PCDH9: variants seen among roughly 807,000 people sequenced by gnomAD.
PCDH9 encodes protocadherin-9.
PCDH9 carries 24 observed loss-of-function variants against 70.6 expected under a neutral mutation model. The ratio of observed to expected loss-of-function variants is 0.34; its 90% CI spans 0.25 to 0.48. PCDH9 has a LOEUF of 0.48. Among genes scored for constraint, PCDH9 ranks in the 20% least tolerant of loss-of-function variants. The pLI is 0.99. For synonymous variants in PCDH9, 562 were observed against 558.5 expected (o/e 1.01, Z -0.09); for missense variants, 1,281 against 1,503.6 (o/e 0.85, Z 2.45).
At chr13:66,537,263 G>T (rs1274219638) in intron 4 of PCDH9, among the ~76,000 whole-genome samples, 1 of 152,068 alleles carries the variant, frequency 6.6e-6, no homozygotes, top group Non-Finnish European at 1.5e-5. Flanking sequence ...TGCTCAGTGA[G>T]TGCTGAACAT....
intron 2 of PCDH9, among the ~76,000 whole-genome samples, chr13:66,915,381 C>T (rs2082540676): frequency 6.6e-6 from 1 of 151,342 alleles, no homozygotes; most frequent in Non-Finnish European, 1.5e-5. Context: ...TCTAACAAGT[C>T]CAAGTGAACT....
intron 4 of PCDH9, among the ~76,000 whole-genome samples, chr13:66,628,836 C>T (rs1433869633): frequency 6.6e-6 from 1 of 152,084 alleles, no homozygotes; most frequent in Non-Finnish European, 1.5e-5. Flanking sequence ...TGCAATTTTT[C>T]CTGTACTCAG....
At chr13:66,753,962 A>G (rs1178322173) in intron 3 of PCDH9, among the ~76,000 whole-genome samples, 1 of 152,226 alleles carries the variant, frequency 6.6e-6, no homozygotes, top group Non-Finnish European at 1.5e-5. Flanking sequence ...TGCATTGATT[A>G]TTAATGAAAT....
At chr13:66,914,544 T>C (rs970520677) in intron 2 of PCDH9, 2 of 151,774 alleles carry the variant, frequency 1.3e-5, no homozygotes, top group African/African-American at 4.8e-5. Context: ...ACTTTGAAAA[T>C]GTATATTAAT....
intron 4 of PCDH9, among the ~76,000 whole-genome samples, chr13:66,429,035 C>T (rs967401979): frequency 6.7e-6 from 1 of 149,032 alleles, no homozygotes; most frequent in Non-Finnish European, 1.5e-5. Flanking sequence ...TTGTAATATG[C>T]ATGTGATTAA....
intron 3 of PCDH9, among the ~76,000 whole-genome samples, chr13:66,878,102 AG>A (rs1405877881): frequency 6.6e-6 from 1 of 152,208 alleles, no homozygotes; most frequent in African/African-American, 2.4e-5. Context: ...CTGAGTTCTA[AG>A]GGAGAAAAAA....
At chr13:66,751,829 A>G (rs1056403881) in intron 3 of PCDH9, among the ~76,000 whole-genome samples, 8 of 152,210 alleles carry the variant, frequency 5.3e-5, no homozygotes, top group African/African-American at 1.9e-4. Flanking sequence ...CATAGTTCCA[A>G]TTTTGCTTCT....
At chr13:66,598,638 C>T (rs897389316) in intron 4 of PCDH9, among the ~76,000 whole-genome samples, 3 of 151,732 alleles carry the variant, frequency 2.0e-5, no homozygotes, top group Admixed American at 1.3e-4. Flanking sequence ...TGGATATTTG[C>T]AGCATAGCAA....
At chr13:66,494,858 G>C (rs982962907) in intron 4 of PCDH9, among the ~76,000 whole-genome samples, 1 of 151,880 alleles carries the variant, frequency 6.6e-6, no homozygotes, top group East Asian at 1.9e-4. Flanking sequence ...AATTCTTTTT[G>C]GTCTCTGAAT....
intron 2 of PCDH9, among the ~76,000 whole-genome samples, chr13:67,027,934 G>A (rs954183162): frequency 1.3e-4 from 19 of 151,292 alleles, no homozygotes; most frequent in Non-Finnish European, 2.5e-4. Context: ...TGCTGGAGAG[G>A]ATGTGGAGAA....
intron 4 of PCDH9, among the ~76,000 whole-genome samples, chr13:66,567,758 C>T (rs2076674203): frequency 6.6e-6 from 1 of 152,120 alleles, no homozygotes; most frequent in Non-Finnish European, 1.5e-5. Context: ...ACATTATAAT[C>T]TGTGACTTTA....
At chr13:66,329,810 C>T (rs1207426548) in intron 4 of PCDH9, among the ~76,000 whole-genome samples, 1 of 152,086 alleles carries the variant, frequency 6.6e-6, no homozygotes, top group Non-Finnish European at 1.5e-5. Context: ...ATAGGCCTTT[C>T]TAAAATGATA....
At chr13:66,929,213 C>G (rs1054232833) in intron 2 of PCDH9, among the ~76,000 whole-genome samples, 2 of 151,732 alleles carry the variant, frequency 1.3e-5, no homozygotes, top group Non-Finnish European at 2.9e-5. Flanking sequence ...AATTTTTATG[C>G]TCTTATAAAA....
At chr13:67,082,547 A>G (rs2086006350) in intron 2 of PCDH9, among the ~76,000 whole-genome samples, 1 of 152,182 alleles carries the variant, frequency 6.6e-6, no homozygotes, top group Admixed American at 6.6e-5. Context: ...TTATTTTACA[A>G]GTGATCTTGT....
chr13:67,124,101 T>A (rs1263964149), intron 2 of PCDH9, among the ~76,000 whole-genome samples: 3 of 152,088 alleles, frequency 2.0e-5, no homozygotes, highest in Admixed American at 2.0e-4. Context: ...TACTAAATAA[T>A]AAGGAATCCA....
intron 3 of PCDH9, among the ~76,000 whole-genome samples, chr13:66,847,684 C>T (rs1485951178): frequency 6.6e-6 from 1 of 152,128 alleles, no homozygotes; most frequent in African/African-American, 2.4e-5. Context: ...TACTCATGAG[C>T]TTTGGGGGCC....
rs2089859003 is a variant in PCDH9 at position 67,226,033 on chromosome 13, C to T, written c.2408G>A (p.Ser803Asn). The T allele has an allele frequency of 6.2e-7, 1 of 1,614,054 alleles. No homozygotes were observed. The highest frequency in any genetic ancestry group is 2.2e-5 in the East Asian group (1 of 44,860). The stretch of plus-strand genomic sequence containing the variant: ...GTCCTCATTTTGATAGGGTTGGCTA[C>T]TATCCCCTATGTTCCTGTCCAACGG... Reference protein sequence around the residue: ...ETPLDRNIGDSSQPYQNEDYL... With the variant: ...ETPLDRNIGDNSQPYQNEDYL... Residue 803 changes from serine to asparagine, a missense_variant, in exon 2 of 5, where the codon AGT becomes AAT. Physicochemically the swap from Ser to Asn is conservative, Grantham distance 46 (BLOSUM62 1). This residue lies in a region of PCDH9 where 798 missense variants were observed against 1,003.1 expected (regional missense o/e 0.80). Transcript: ENST00000377865. This position sits in a 1 kb window ranked among gnomAD's most constrained non-coding sequence, Gnocchi z 5.0.
intron 3 of PCDH9, among the ~76,000 whole-genome samples, chr13:66,808,671 G>T (rs2080449324): frequency 6.6e-6 from 1 of 152,102 alleles, no homozygotes; most frequent in Non-Finnish European, 1.5e-5. Flanking sequence ...AGCACTAGTA[G>T]GCTAATTGAT....
At position 66,574,807 on chromosome 13, in the gene PCDH9, C is replaced by G. The variant is rs565367500; in HGVS notation, c.3340+56403G>C. On this transcript the variant is annotated intron_variant, in intron 4 of 4. Coordinates refer to ENST00000377865, the MANE Select transcript of PCDH9 (RefSeq NM_203487.3). ...CCCTTGACTGCTTCATAGAAGCTGG[C>G]CTTTCTTCAGCCACAAACAATTCCA... Among the ~76,000 whole-genome samples, 5 of 152,248 alleles carry G rather than the reference C, an allele frequency of 3.3e-5. 1 individual carries two copies. In the South Asian group the frequency reaches 8.3e-4, roughly 25 times the overall value.
Sources: allele counts gnomAD v4.1 joint callset (sites outside exome capture counted in the v4.1 genomes callset), GRCh38; gene constraint gnomAD v4.1.1; regional missense constraint gnomAD v4.1.1; non-coding constraint Gnocchi (gnomAD v3.1); transcripts MANE v1.5; gene names NCBI Gene and HGNC (gene_info 2026-07-23, HGNC 2026-07-21).